Variants in COLEC10 observed in about 807,000 individuals in gnomAD.
COLEC10 encodes collectin-10.
COLEC10 carries 22 observed loss-of-function variants against 28.4 expected under a neutral mutation model. That is an observed-to-expected ratio of 0.78 (90% CI 0.55 to 1.11). COLEC10 has a LOEUF of 1.11. Among genes scored for constraint, COLEC10 ranks in the 50% least tolerant of loss-of-function variants. The probability of loss-of-function intolerance (pLI) is 0.00; values close to 1 mark genes in which losing one functional copy is unlikely to be tolerated. For synonymous variants in COLEC10, 125 were observed against 116.1 expected (o/e 1.08, Z -0.49); for missense variants, 361 against 344.1 (o/e 1.05, Z -0.39).
chr8:118,953,042 G>A, the COLEC10 span, among the ~76,000 whole-genome samples: 108 of 152,334 alleles, frequency 7.1e-4, no homozygotes, highest in African/African-American at 2.6e-3. Flanking sequence ...GGAAGGTGAA[G>A]AATCAGGAGA....
the COLEC10 span, among the ~76,000 whole-genome samples, chr8:118,962,446 T>C: frequency 6.6e-6 from 1 of 152,248 alleles, no homozygotes; most frequent in Non-Finnish European, 1.5e-5. Flanking sequence ...TACAGCTTTA[T>C]TGAGGTATAA....
chr8:118,958,234 G>C, the COLEC10 span, among the ~76,000 whole-genome samples: 2 of 152,164 alleles, frequency 1.3e-5, no homozygotes, highest in Non-Finnish European at 2.9e-5. Context: ...ATTTCTGTAG[G>C]CTCCACATGG....
At chr8:119,091,595 G>GAGAGAGAGAGAAAGAAAGAAAGAAAGAA (rs1250359009) in intron 3 of COLEC10, among the ~76,000 whole-genome samples, 15 of 138,466 alleles carry the variant, frequency 1.1e-4, no homozygotes, top group African/African-American at 4.2e-4. Flanking sequence ...GAGAGAGAGA[G>GAGAGAGAGAGAAAGAAAGAAAGAAAGAA]AGAAAGAAAG....
intron 1 of COLEC10, among the ~76,000 whole-genome samples, chr8:118,997,626 C>G (rs187625847): frequency 6.6e-6 from 1 of 152,298 alleles, no homozygotes; most frequent in Non-Finnish European, 1.5e-5. Flanking sequence ...AGAGTCTAGA[C>G]CCAGCTGCAA....
Position 119,107,392 on chromosome 8 carries a change from T to C in COLEC10, c.*1201T>C, listed in dbSNP as rs1815969084. ...CTGTAGATCAAACCTCAAAGCAGCT[T>C]TCACTTGGAATTTAAAAATAAACAG... On this transcript the variant is annotated 3_prime_UTR_variant, in exon 6 of 6. Coordinates refer to ENST00000332843, the MANE Select transcript of COLEC10 (RefSeq NM_006438.5). Among the ~76,000 whole-genome samples, 1 of 152,168 alleles carries C rather than the reference T, an allele frequency of 6.6e-6. No individual in the cohort carries two copies. The highest frequency in any genetic ancestry group is 6.5e-5 in the Admixed American group (1 of 15,270).
At chr8:118,995,065 A>C (rs151022545), upstream of COLEC10, among the ~76,000 whole-genome samples, 1 of 152,316 alleles carries the variant, frequency 6.6e-6, no homozygotes, top group Admixed American at 6.5e-5. Flanking sequence ...TCTAATAATT[A>C]GGTCACTTGA....
At chr8:118,984,288 C>G in the COLEC10 span, among the ~76,000 whole-genome samples, 1 of 151,956 alleles carries the variant, frequency 6.6e-6, no homozygotes, top group African/African-American at 2.4e-5. Flanking sequence ...ATAATGAGAA[C>G]ACGTGGACAC....
At chr8:118,966,222 A>T in the COLEC10 span, among the ~76,000 whole-genome samples, 3 of 152,186 alleles carry the variant, frequency 2.0e-5, no homozygotes, top group Non-Finnish European at 2.9e-5. Context: ...TTTGTTGATT[A>T]TACATGGAAA....
At chr8:119,013,889 C>A (rs984288627) in intron 2 of COLEC10, among the ~76,000 whole-genome samples, 3 of 150,870 alleles carry the variant, frequency 2.0e-5, no homozygotes, top group African/African-American at 5.0e-5. Flanking sequence ...TGTACACTTA[C>A]AACTAATCCA....
At chr8:119,039,825 G>T (rs1814460923) in intron 2 of COLEC10, among the ~76,000 whole-genome samples, 2 of 152,080 alleles carry the variant, frequency 1.3e-5, no homozygotes, top group South Asian at 4.2e-4. Context: ...TCTTTATTCT[G>T]CCTCTCTTCT....
At chr8:119,093,024 A>C (rs1013836613) in intron 3 of COLEC10, among the ~76,000 whole-genome samples, 4 of 152,226 alleles carry the variant, frequency 2.6e-5, no homozygotes, top group Admixed American at 6.5e-5. Context: ...GAATAGTAAC[A>C]TTATGGAAAT....
At chr8:119,024,754 C>T (rs1489874932) in intron 2 of COLEC10, among the ~76,000 whole-genome samples, 2 of 151,868 alleles carry the variant, frequency 1.3e-5, no homozygotes, top group African/African-American at 4.8e-5. Flanking sequence ...TTCACTTTTG[C>T]CAGAAACATG....
chr8:119,039,250 A>T (rs1814450084), intron 2 of COLEC10, among the ~76,000 whole-genome samples: 1 of 152,028 alleles, frequency 6.6e-6, no homozygotes, highest in Non-Finnish European at 1.5e-5. Flanking sequence ...CCCAGGGTTG[A>T]TTCACTACTT....
chr8:119,038,588 C>T (rs16891891), intron 2 of COLEC10, among the ~76,000 whole-genome samples: 4,002 of 152,316 alleles, frequency 0.026, 168 homozygotes, highest in African/African-American at 0.091. Flanking sequence ...TGCATTTACT[C>T]TGCTCCCCAT....
At chr8:118,989,564 C>CAT in the COLEC10 span, among the ~76,000 whole-genome samples, 1,378 of 149,758 alleles carry the variant, frequency 9.2e-3, 19 homozygotes, top group African/African-American at 0.032. Context: ...CACACACACA[C>CAT]ACACACACAC....
chr8:119,069,658 A>ATATATATATATG (rs1205061377), intron 1 of COLEC10, among the ~76,000 whole-genome samples: 50 of 122,742 alleles, frequency 4.1e-4, no homozygotes, highest in Non-Finnish European at 7.5e-4. Flanking sequence ...ATATATATAT[A>ATATATATATATG]TATGTAAACT....
At chr8:118,992,281 T>C (rs1455491870), upstream of COLEC10, among the ~76,000 whole-genome samples, 1 of 152,154 alleles carries the variant, frequency 6.6e-6, no homozygotes, top group African/African-American at 2.4e-5. Flanking sequence ...AACCTGTCAG[T>C]GTGCTCTTCA....
At chr8:118,963,088 G>T in the COLEC10 span, among the ~76,000 whole-genome samples, 2 of 152,040 alleles carry the variant, frequency 1.3e-5, no homozygotes, top group Non-Finnish European at 2.9e-5. Flanking sequence ...GAAGGGAGCC[G>T]GGGTCTGGCA....
chr8:119,054,991 A>G (rs1283451356), intron 2 of COLEC10, among the ~76,000 whole-genome samples: 2 of 152,116 alleles, frequency 1.3e-5, no homozygotes, highest in African/African-American at 2.4e-5. Flanking sequence ...GATGTAAGCG[A>G]CCCAAATCTG....
Sources: allele counts gnomAD v4.1 joint callset (sites outside exome capture counted in the v4.1 genomes callset), GRCh38; gene constraint gnomAD v4.1.1; transcripts MANE v1.5; gene names NCBI Gene and HGNC (gene_info 2026-07-23, HGNC 2026-07-21).